The following FBLN7 variants were observed in gnomAD, a reference collection of about 807,000 sequenced individuals.
FBLN7 encodes the protein fibulin 7, also known as fibulin-7.
In FBLN7, 31 loss-of-function variants were observed where a neutral mutation model predicts 44.0. That is an observed-to-expected ratio of 0.70 (90% CI 0.53 to 0.95). FBLN7 has a LOEUF of 0.95. FBLN7 is among the 40% of genes least tolerant of loss of function. The pLI is 0.00. For synonymous variants in FBLN7, 262 were observed against 253.4 expected (o/e 1.03, Z -0.32); for missense variants, 573 against 618.5 (o/e 0.93, Z 0.78).
chr2:112,240,691 C>A, the FBLN7 span, among the ~76,000 whole-genome samples: 2 of 152,124 alleles, frequency 1.3e-5, no homozygotes, highest in East Asian at 3.8e-4. Flanking sequence ...TTTTATTATA[C>A]AGTAGGGATA....
At chr2:112,206,395 G>A in the FBLN7 span, among the ~76,000 whole-genome samples, 1 of 151,970 alleles carries the variant, frequency 6.6e-6, no homozygotes, top group African/African-American at 2.4e-5. Flanking sequence ...TTATTTTTCT[G>A]TTTACAGTTT....
chr2:112,208,315 C>A, the FBLN7 span, among the ~76,000 whole-genome samples: 1 of 152,098 alleles, frequency 6.6e-6, no homozygotes. Flanking sequence ...GCAGGAGAAT[C>A]GCTTGAATCC....
At chr2:112,215,768 C>T in the FBLN7 span, 2 of 152,158 alleles carry the variant, frequency 1.3e-5, no homozygotes, top group Non-Finnish European at 1.5e-5. Context: ...AAGTTTGTAA[C>T]TCACACAAGT....
intron 3 of FBLN7, among the ~76,000 whole-genome samples, chr2:112,168,662 C>G (rs765255515): frequency 6.6e-6 from 1 of 152,112 alleles, no homozygotes; most frequent in Non-Finnish European, 1.5e-5. Flanking sequence ...AGGGTGTGGA[C>G]GGGACACAGG....
intron 2 of FBLN7, among the ~76,000 whole-genome samples, chr2:112,160,841 C>G: frequency 9.0e-6 from 1 of 111,652 alleles, no homozygotes; most frequent in South Asian, 2.7e-4. Context: ...TACACGCACG[C>G]ACACGCGCAC....
the FBLN7 span, among the ~76,000 whole-genome samples, chr2:112,200,566 G>A: frequency 7.2e-5 from 11 of 151,984 alleles, no homozygotes; most frequent in African/African-American, 2.4e-4. Flanking sequence ...ACATAGTCTC[G>A]CTCTGTCCCC....
At chr2:112,180,197 A>G (rs1317263931) in intron 4 of FBLN7, among the ~76,000 whole-genome samples, 2 of 152,236 alleles carry the variant, frequency 1.3e-5, no homozygotes, top group Non-Finnish European at 2.9e-5. Context: ...AAACTTCTCA[A>G]AAGAAAACCT....
rs1043458130 is a variant in FBLN7 at position 112,149,288 on chromosome 2, G to A, written c.76-10388G>A. Among the ~76,000 whole-genome samples, 45 of 152,200 alleles carry A rather than the reference G, an allele frequency of 3.0e-4. 1 individual carries two copies. Among genetic ancestry groups the A allele is most frequent in the Non-Finnish European group, 2.4e-4 (16 of 68,028 alleles). On this transcript the variant is annotated intron_variant, in intron 1 of 7. Coordinates refer to ENST00000331203, the MANE Select transcript of FBLN7 (RefSeq NM_153214.3). ...AAGGGCCTGATCCACACCATGGCCC[G>A]CTGGGAAAGGAGACGTGGCCAGCCA...
chr2:112,190,961 G>A (rs1683468353), downstream of FBLN7, among the ~76,000 whole-genome samples: 1 of 152,080 alleles, frequency 6.6e-6, no homozygotes, highest in South Asian at 2.1e-4. Context: ...GGACTACTGT[G>A]GGTTTTTTGT....
intron 2 of FBLN7, among the ~76,000 whole-genome samples, chr2:112,163,174 A>C (rs963882060): frequency 6.6e-6 from 1 of 152,174 alleles, no homozygotes; most frequent in East Asian, 1.9e-4. Context: ...TGCTCCTCAA[A>C]GAACCCTAGG....
chr2:112,181,562 C>T (rs1298350459), intron 4 of FBLN7, among the ~76,000 whole-genome samples, 177 bp from the exon 5 acceptor site: 1 of 152,140 alleles, frequency 6.6e-6, no homozygotes, highest in Non-Finnish European at 1.5e-5. Flanking sequence ...TCGCGTAGGC[C>T]CTGGACGGGT....
At chr2:112,150,165 G>A (rs759446194) in intron 1 of FBLN7, among the ~76,000 whole-genome samples, 2 of 152,198 alleles carry the variant, frequency 1.3e-5, no homozygotes, top group East Asian at 3.9e-4. Context: ...TAGATGGAAG[G>A]GGAGGGGGTT....
At chr2:112,176,601 A>C (rs2104593641) in intron 4 of FBLN7, 1 of 152,398 alleles carries the variant, frequency 6.6e-6, no homozygotes, top group African/African-American at 2.4e-5. Context: ...TGATCCTGGC[A>C]CTGGACCCAG....
intron 1 of FBLN7, among the ~76,000 whole-genome samples, chr2:112,145,207 A>G (rs923684240): frequency 3.3e-5 from 5 of 152,224 alleles, no homozygotes; most frequent in African/African-American, 4.8e-5. Context: ...GACATTGGAC[A>G]TCTCTTCATG....
chr2:112,175,164 G>A (rs923686867), intron 3 of FBLN7, among the ~76,000 whole-genome samples: 13 of 152,208 alleles, frequency 8.5e-5, no homozygotes, highest in African/African-American at 2.9e-4. Context: ...GCACAGTAGG[G>A]CTTCTGGTTG....
chr2:112,236,180 C>T, the FBLN7 span, among the ~76,000 whole-genome samples: 4 of 152,128 alleles, frequency 2.6e-5, no homozygotes, highest in Non-Finnish European at 5.9e-5. Flanking sequence ...AGAAGAATCA[C>T]TTGAACCCGA....
At chr2:112,158,186 C>T (rs955369429) in intron 1 of FBLN7, among the ~76,000 whole-genome samples, 1 of 152,142 alleles carries the variant, frequency 6.6e-6, no homozygotes, top group African/African-American at 2.4e-5. Flanking sequence ...CGTGAGCCAC[C>T]GTGCCCAGCC....
At chr2:112,193,388 C>T in the FBLN7 span, among the ~76,000 whole-genome samples, 6 of 152,170 alleles carry the variant, frequency 3.9e-5, no homozygotes, top group South Asian at 2.1e-4. Flanking sequence ...TGCAGTGAGC[C>T]GAGATAGCGC....
intron 4 of FBLN7, chr2:112,177,817 T>C (rs1054068779): frequency 2.0e-5 from 3 of 152,186 alleles, no homozygotes; most frequent in Non-Finnish European, 4.4e-5. Flanking sequence ...TTGTGTTTGA[T>C]TCCCATCAAT....
Sources: allele counts gnomAD v4.1 joint callset (sites outside exome capture counted in the v4.1 genomes callset), GRCh38; gene constraint gnomAD v4.1.1; transcripts MANE v1.5; gene names NCBI Gene and HGNC (gene_info 2026-07-23, HGNC 2026-07-21).